Variants in GREB1 observed in about 807,000 individuals in gnomAD.
The protein encoded by GREB1 is growth regulating estrogen receptor binding 1.
GREB1 carries 106 observed loss-of-function variants against 200.7 expected under a neutral mutation model. The observed-to-expected ratio is 0.53, with a 90% CI of 0.45 to 0.62. GREB1 has a LOEUF of 0.62. Ranked by LOEUF, GREB1 falls within the 20% of genes least tolerant of loss-of-function variation. The pLI is 0.00. For synonymous variants in GREB1, 1,132 were observed against 1,092.4 expected, an observed-to-expected ratio of 1.04 and a Z score of -0.72; for missense variants, 2,243 against 2,556.8, an observed-to-expected ratio of 0.88 and a Z score of 2.65.
chr2:11,538,793 T>TCCC (rs1674468441), intron 1 of GREB1, among the ~76,000 whole-genome samples: 2 of 26,534 alleles, frequency 7.5e-5, no homozygotes, highest in African/African-American at 7.5e-5. Flanking sequence ...CCTTCCTTCC[T>TCCC]TCCCTTCTTT....
intron 15 of GREB1, among the ~76,000 whole-genome samples, chr2:11,599,559 G>A (rs1487257393): frequency 1.2e-4 from 17 of 136,072 alleles, no homozygotes; most frequent in African/African-American, 4.6e-4. Flanking sequence ...TCTCTCTGTC[G>A]CCCAGGCTTG....
intron 26 of GREB1, 77 bp from the exon 27 acceptor site, chr2:11,631,832 C>A: frequency 9.0e-7 from 1 of 1,106,050 alleles, no homozygotes; most frequent in South Asian, 1.3e-5. Context: ...ACGGAAAATA[C>A]TGCAAAGTCA....
chr2:11,637,233 T>C (rs1051569519), intron 30 of GREB1, among the ~76,000 whole-genome samples: 6 of 152,048 alleles, frequency 3.9e-5, no homozygotes, highest in African/African-American at 1.4e-4. Flanking sequence ...GTTCCAGACT[T>C]TTCTCTAGGA....
chr2:11,600,832 A>G lies in GREB1; in HGVS notation c.2366A>G (p.Asp789Gly), dbSNP rs948965033. Residue 789 changes from aspartate (D) to glycine (G), a missense_variant, in exon 16 of 33, where the codon GAC becomes GGC. Around this residue, in one of 3 missense-constraint regions of GREB1, gnomAD observed 1,178 missense variants for 1,387.4 expected, o/e 0.85. Transcript: ENST00000381486. ...GTTCATAACCTCTATTCTCAAAGTG[A>G]CCCGTCGGTGGGATTGGTGGACCGA... Reference protein sequence around the residue: ...STVHNLYSQSDPSVGLVDRLL... With the variant: ...STVHNLYSQSGPSVGLVDRLL... 2 of 1,613,960 alleles carry G rather than the reference A, an allele frequency of 1.2e-6. No individual in the cohort carries two copies. The highest frequency in any genetic ancestry group is 2.7e-5 in the African/African-American group (2 of 74,902).
At chr2:11,609,251 T>TTTATTTATTTAC (rs1453871157) in intron 17 of GREB1, among the ~76,000 whole-genome samples, 3 of 143,514 alleles carry the variant, frequency 2.1e-5, no homozygotes, top group East Asian at 3.9e-4. Flanking sequence ...ATTTTATTTA[T>TTTATTTATTTAC]TTATTTATTT....
upstream of GREB1, among the ~76,000 whole-genome samples, chr2:11,532,271 G>T (rs1159403937): frequency 6.6e-6 from 1 of 152,200 alleles, no homozygotes; most frequent in African/African-American, 2.4e-5. Flanking sequence ...CCGGGAAACA[G>T]ATGGGAAAGA....
In GREB1 at chr2:11,597,136, T is replaced by G. The variant is rs1681345089; in HGVS notation, c.1955-645T>G. Among the ~76,000 whole-genome samples the G allele has an allele frequency of 6.6e-6, 1 of 151,748 alleles. No homozygotes were observed. The highest frequency in any genetic ancestry group is 2.4e-5 in the African/African-American group (1 of 41,230). ...TGCTCGGTGGGCGATGAGAGGGCAC[T>G]GGCGAGGGCCTCGGTCTGGCCTGGG... is the stretch of plus-strand genomic sequence containing the variant. On this transcript the variant is annotated intron_variant, in intron 13 of 32. Coordinates refer to ENST00000381486, the MANE Select transcript of GREB1 (RefSeq NM_014668.4). The surrounding 1 kb of genome is among the most constrained non-coding windows in gnomAD (Gnocchi z 4.1).
rs575213019 is a variant in GREB1 at position 11,634,380 on chromosome 2, G to A, written c.5210+31G>A. On this transcript the variant is annotated intron_variant, in intron 29 of 32. Coordinates refer to ENST00000381486, the MANE Select transcript of GREB1 (RefSeq NM_014668.4). ...CTCCTGCACCTGGGGCAGAGGCGGC[G>A]GCAGCCCTGGGGGCGCAGAGTCCTG... 2.0e-5 allele frequency: 32 copies of A among 1,563,068 alleles called. 1 individual carries two copies. Among genetic ancestry groups the A allele is most frequent in the South Asian group, 6.8e-5 (6 of 88,048 alleles).
intron 3 of GREB1, 76 bp from the exon 4 acceptor site, chr2:11,566,404 G>GT (rs2147955492): frequency 1.4e-6 from 2 of 1,435,278 alleles, no homozygotes; most frequent in Non-Finnish European, 1.9e-6. Flanking sequence ...GACCCAGAAC[G>GT]TTTCCTCCCT....
rs542052378 is a variant in GREB1, at chr2:11,616,345, C to G, written c.3323-286C>G. On this transcript the variant is annotated intron_variant, in intron 20 of 32. Transcript: ENST00000381486. ...CTTCCAGGAGATGCCCTGCTTTTCC[C>G]CCAGGCTCCCCGACCCCTCTCTCTT... Among the ~76,000 whole-genome samples the G allele has an allele frequency of 2.8e-4, 42 of 152,352 alleles. 1 individual carries two copies. The South Asian group carries it at 8.5e-3, about 31-fold the overall frequency.
At position 11,580,743 on chromosome 2, in the gene GREB1, G is replaced by T; in HGVS notation, c.812G>T (p.Gly271Val). Residue 271 changes from glycine to valine, a missense_variant, in exon 7 of 33, where the codon GGT (glycine) becomes GTT (valine). Physicochemically the swap from Gly to Val is moderately radical, Grantham distance 109. Around this residue, in one of 3 missense-constraint regions of GREB1, gnomAD observed 1,178 missense variants for 1,387.4 expected, o/e 0.85. Coordinates refer to ENST00000381486, the MANE Select transcript of GREB1 (RefSeq NM_014668.4). This position sits in a 1 kb window ranked among gnomAD's most constrained non-coding sequence, Gnocchi z 4.5. ...SDHPSLNAAM[G>V]PAVFNGKDSP... is the part of the protein sequence containing the mutation. The stretch of plus-strand genomic sequence containing the variant: ...CACCCCTCACTAAACGCAGCAATGG[G>T]TCCGGCTGTTTTCAACGGCAAAGAT... 6.2e-7 allele frequency: 1 copy of T among 1,614,200 alleles called. No homozygotes were observed. The highest frequency in any genetic ancestry group is 8.5e-7 in the Non-Finnish European group (1 of 1,180,034).
rs1685762496 is a variant in GREB1, at chr2:11,640,800, T to C, written c.*346T>C. On this transcript the variant is annotated 3_prime_UTR_variant, in exon 33 of 33. Coordinates refer to ENST00000381486, the MANE Select transcript of GREB1 (RefSeq NM_014668.4). This position sits in a 1 kb window ranked among gnomAD's most constrained non-coding sequence, Gnocchi z 4.6. ...ATTTTTTTCTCTTAGTTCTAAAGAA[T>C]CTTGGGTTATTTTGTAGCGGTGCCA... 4.5e-6 allele frequency: 1 copy of C among 223,554 alleles called. No individual in the cohort carries two copies. Among genetic ancestry groups the C allele is most frequent in the Non-Finnish European group, 8.6e-6 (1 of 116,038 alleles). 13.8% of individuals were successfully genotyped at this position (223,554 alleles called of 1,614,324 possible). A position where few individuals can be genotyped will look rare whatever the true frequency, so the allele number is the denominator to read the frequency against.
At position 11,571,831 on chromosome 2, in the gene GREB1, C is replaced by T. The variant is rs574718802; in HGVS notation, c.455-4522C>T. On this transcript the variant is annotated intron_variant, in intron 4 of 32. Coordinates refer to ENST00000381486, the MANE Select transcript of GREB1 (RefSeq NM_014668.4). ...GTTCACGCCATTCTCCTGCCTCAGC[C>T]TCCTGAGTAGCTGGGACTACAGGCG... Among the ~76,000 whole-genome samples the T allele has an allele frequency of 1.1e-3, 169 of 152,306 alleles. 1 individual carries two copies. The highest frequency in any genetic ancestry group is 4.0e-3 in the African/African-American group (165 of 41,568).
At chr2:11,592,723 C>G (rs931338259) in intron 10 of GREB1, 53 bp from the exon 11 acceptor site, 1 of 1,222,166 alleles carries the variant, frequency 8.2e-7, no homozygotes, top group South Asian at 1.7e-5. Context: ...ACCCGTGCGT[C>G]CCCGGATGCC....
intron 19 of GREB1, among the ~76,000 whole-genome samples, chr2:11,612,909 C>G (rs1047692906): frequency 6.6e-6 from 1 of 152,194 alleles, no homozygotes; most frequent in Non-Finnish European, 1.5e-5. Flanking sequence ...CTCCTGAGTT[C>G]AGTGTCTCCC....
chr2:11,541,448 G>C (rs1364687344), intron 1 of GREB1, among the ~76,000 whole-genome samples: 1 of 152,140 alleles, frequency 6.6e-6, no homozygotes, highest in East Asian at 1.9e-4. Context: ...CAAGTGAGAG[G>C]GGGGCCATGG....
intron 1 of GREB1, among the ~76,000 whole-genome samples, chr2:11,491,693 A>G (rs1422667160): frequency 6.6e-6 from 1 of 152,220 alleles, no homozygotes; most frequent in Non-Finnish European, 1.5e-5. Flanking sequence ...TGTTCTTGGC[A>G]TGTAGTAGGT....
At chr2:11,484,330 C>G (rs1349256072) in intron 1 of GREB1, among the ~76,000 whole-genome samples, 2 of 152,204 alleles carry the variant, frequency 1.3e-5, no homozygotes, top group East Asian at 3.9e-4. Flanking sequence ...TTCTACAGGT[C>G]TTTTTTCATG....
rs367610663 is a variant in GREB1, at chr2:11,600,908, C to A, written c.2442C>A (p.His814Gln). 7 of 1,614,032 alleles carry A rather than the reference C, an allele frequency of 4.3e-6. No individual in the cohort carries two copies. Among genetic ancestry groups the A allele is most frequent in the Non-Finnish European group, 5.9e-6 (7 of 1,180,002 alleles). Reference sequence around the variant, plus strand: ...AGGCCCCCAACATTGTGACACTTCACGTGACCTCCTTCCCGTATGCACTGC... The same window carrying A: ...AGGCCCCCAACATTGTGACACTTCAAGTGACCTCCTTCCCGTATGCACTGC... ...VKEAPNIVTL[H>Q]VTSFPYALQT... The change falls in exon 16 of 33, where the codon CAC becomes CAA. Residue 814 changes from histidine (H) to glutamine (Q), a missense_variant. This residue lies in a region of GREB1 where 1,178 missense variants were observed against 1,387.4 expected (regional missense o/e 0.85). Transcript: ENST00000381486.
Sources: allele counts gnomAD v4.1 joint callset (sites outside exome capture counted in the v4.1 genomes callset), GRCh38; gene constraint gnomAD v4.1.1; regional missense constraint gnomAD v4.1.1; non-coding constraint Gnocchi (gnomAD v3.1); transcripts MANE v1.5; gene names NCBI Gene and HGNC (gene_info 2026-07-23, HGNC 2026-07-21).